ANAPC5: variants seen among roughly 807,000 people sequenced by gnomAD.
The protein encoded by ANAPC5 is anaphase promoting complex subunit 5, also known as anaphase-promoting complex subunit 5.
Under a neutral mutation model 91.3 loss-of-function variants are expected in ANAPC5, and 60 were observed. The observed-to-expected ratio is 0.66, with a 90% confidence interval of 0.53 to 0.81. The LOEUF (loss-of-function observed/expected upper bound fraction) is 0.81. Among genes scored for constraint, ANAPC5 ranks in the 40% least tolerant of loss-of-function variants. The pLI, the probability that ANAPC5 is intolerant of heterozygous loss-of-function variation, is 0.00. For synonymous variants in ANAPC5, 340 were observed against 364.1 expected, an observed-to-expected ratio of 0.93 and a Z score of 0.75; for missense variants, 690 against 931.5, an observed-to-expected ratio of 0.74 and a Z score of 3.37.
At chr12:121,351,463 C>CT (rs1343364075) in intron 1 of ANAPC5, among the ~76,000 whole-genome samples, 2,691 of 144,958 alleles carry the variant, frequency 0.019, 79 homozygotes, top group African/African-American at 0.061. Flanking sequence ...GGCTTTATGC[C>CT]TTTTTTTTTT....
intron 11 of ANAPC5, among the ~76,000 whole-genome samples, chr12:121,321,532 CTTT>C (rs59155973): frequency 8.3e-5 from 10 of 120,404 alleles, no homozygotes; most frequent in Admixed American, 8.5e-5. Context: ...ATACAAAATC[CTTT>C]TTTTTTTTTT....
intron 4 of ANAPC5, among the ~76,000 whole-genome samples, chr12:121,345,150 G>A (rs60773958): frequency 0.045 from 6,874 of 152,220 alleles, 447 homozygotes; most frequent in African/African-American, 0.15. Flanking sequence ...CTGAGGGACT[G>A]GGGTGAAGGA....
At chr12:121,311,785 A>C (rs983998367) in intron 15 of ANAPC5, among the ~76,000 whole-genome samples, 8 of 152,158 alleles carry the variant, frequency 5.3e-5, no homozygotes, top group African/African-American at 1.4e-4. Flanking sequence ...GTGAGCCATG[A>C]TTGTGCCATG....
chr12:121,337,695 G>A (rs1314952244), intron 5 of ANAPC5, among the ~76,000 whole-genome samples: 4 of 152,090 alleles, frequency 2.6e-5, no homozygotes, highest in African/African-American at 9.7e-5. Flanking sequence ...CCCATGCCTA[G>A]CTCATCCTCT....
At chr12:121,328,622 A>G in intron 9 of ANAPC5, 125 bp from the exon 10 acceptor site, 1 of 877,436 alleles carries the variant, frequency 1.1e-6, no homozygotes. Flanking sequence ...TTTAAAAGGA[A>G]AGTACCTATA....
intron 13 of ANAPC5, 126 bp downstream of exon 13, chr12:121,319,571 T>C: frequency 9.4e-7 from 1 of 1,063,204 alleles, no homozygotes; most frequent in Non-Finnish European, 1.3e-6. Flanking sequence ...CTTACCTGTA[T>C]TTTCTTATTT....
intron 1 of ANAPC5, among the ~76,000 whole-genome samples, chr12:121,348,943 T>A (rs1422463212): frequency 6.6e-6 from 1 of 152,192 alleles, no homozygotes; most frequent in Non-Finnish European, 1.5e-5. Flanking sequence ...TTGCTTTTCT[T>A]ACTGTGAAAT....
At chr12:121,312,914 T>G (rs1349708569) in intron 15 of ANAPC5, among the ~76,000 whole-genome samples, 1 of 151,930 alleles carries the variant, frequency 6.6e-6, no homozygotes, top group Non-Finnish European at 1.5e-5. Flanking sequence ...TTTATGAAAT[T>G]TGTGGGATAA....
At chr12:121,328,754 C>T (rs1902916896) in intron 9 of ANAPC5, 1 of 352,732 alleles carries the variant, frequency 2.8e-6, no homozygotes, top group African/African-American at 2.1e-5. Flanking sequence ...TGGACTTAAA[C>T]ACTGCCTCTG....
chr12:121,311,100 T>C (rs1902151569), intron 15 of ANAPC5, among the ~76,000 whole-genome samples: 2 of 152,036 alleles, frequency 1.3e-5, no homozygotes, highest in African/African-American at 4.8e-5. Flanking sequence ...ACACAAATAG[T>C]ACTTTAAAAA....
At chr12:121,352,707 GGTTGTTGTT>G (rs201395836), upstream of ANAPC5, among the ~76,000 whole-genome samples, 1 of 109,246 alleles carries the variant, frequency 9.2e-6, no homozygotes, top group African/African-American at 3.1e-5. Context: ...TTTTGTTGTT[GGTTGTTGTT>G]GTTGGTGGTG....
At chr12:121,352,020 C>T (rs373194952) in intron 1 of ANAPC5, 114 bp downstream of exon 1, 3 of 964,578 alleles carry the variant, frequency 3.1e-6, no homozygotes, top group East Asian at 5.4e-5. Context: ...TCACGTTCCT[C>T]CAGGCAGGGA....
At chr12:121,335,814 G>A (rs1903214167) in intron 6 of ANAPC5, 91 bp from the exon 7 acceptor site, 3 of 1,084,698 alleles carry the variant, frequency 2.8e-6, no homozygotes, top group Admixed American at 4.6e-5. Context: ...ACAAACACTA[G>A]TGTATCCCAT....
Position 121,308,290 on chromosome 12 carries a change from G to T in ANAPC5, c.*190C>A. 1 of 571,104 alleles carries T rather than the reference G, an allele frequency of 1.8e-6. No individual in the cohort carries two copies. Among genetic ancestry groups the T allele is most frequent in the Non-Finnish European group, 3.1e-6 (1 of 322,788 alleles). 35.4% of individuals were successfully genotyped at this position (571,104 alleles called of 1,614,324 possible). ...TATTAAGAAAAAGTTGGTGTCCTTT[G>T]CTACCAAAAGGGAAGAAAAGGGGAA... On this transcript the variant is annotated 3_prime_UTR_variant, in exon 17 of 17. Coordinates refer to ENST00000261819, the MANE Select transcript of ANAPC5 (RefSeq NM_016237.5).
chr12:121,318,167 C>T (rs369797495), intron 15 of ANAPC5, 110 bp downstream of exon 15: 2 of 1,297,050 alleles, frequency 1.5e-6, no homozygotes, highest in East Asian at 5.5e-5. Flanking sequence ...TTCCAGACGT[C>T]AATATGAACA....
At chr12:121,322,921 A>G (rs1566184145) in intron 11 of ANAPC5, among the ~76,000 whole-genome samples, 1 of 152,114 alleles carries the variant, frequency 6.6e-6, no homozygotes, top group African/African-American at 2.4e-5. Context: ...GCTACTCAGG[A>G]GGCAAAGGCA....
intron 2 of ANAPC5, chr12:121,347,254 G>T: frequency 4.4e-6 from 2 of 455,468 alleles, no homozygotes; most frequent in South Asian, 6.0e-5. Flanking sequence ...TCAATTATCT[G>T]CAATGACTAA....
rs766069397 is a variant in ANAPC5 at position 121,318,319 on chromosome 12, C to T, written c.1851G>A (p.Gln617=). ...TCAGCACTGTTTCAGAGGCCAAGTA[C>T]TGTAACCGGTACTCCTTGGAGAGGG... is the stretch of plus-strand genomic sequence containing the variant. The part of the protein sequence containing the change: ...ALALSKEYRL[Q]YLASETVLNL... Residue 617 remains glutamine (Q), a synonymous_variant, in exon 15 of 17, where the codon CAG becomes CAA. Coordinates refer to ENST00000261819, the MANE Select transcript of ANAPC5 (RefSeq NM_016237.5). The T allele has an allele frequency of 3.1e-6, 5 of 1,589,608 alleles. No homozygotes were observed. In the South Asian group the frequency reaches 5.7e-5, roughly 18 times the overall value.
Position 121,331,331 on chromosome 12 carries a change from C to T in ANAPC5, c.1032+16G>A, listed in dbSNP as rs1555272873. 6.3e-7 allele frequency: 1 copy of T among 1,577,660 alleles called. No individual in the cohort carries two copies. The highest frequency in any genetic ancestry group is 1.1e-5 in the South Asian group (1 of 88,866). On this transcript the variant is annotated intron_variant, in intron 8 of 16. Coordinates refer to ENST00000261819, the MANE Select transcript of ANAPC5 (RefSeq NM_016237.5). ...AACCCGTGAACAAAACTCCCAAGAC[C>T]AGAGGATGGCCTCACCAAACAGTGC...
Sources: allele counts gnomAD v4.1 joint callset (sites outside exome capture counted in the v4.1 genomes callset), GRCh38; gene constraint gnomAD v4.1.1; transcripts MANE v1.5; gene names NCBI Gene and HGNC (gene_info 2026-07-23, HGNC 2026-07-21).